MRGPRE: variants seen among roughly 807,000 people sequenced by gnomAD.
MRGPRE encodes the protein mas-related G protein-coupled receptor member E.
For missense variants in MRGPRE, 466 were observed against 433.4 expected, an observed-to-expected ratio of 1.08 and a Z score of -0.67; for synonymous variants, 229 against 206.7, an observed-to-expected ratio of 1.11 and a Z score of -0.92.
Position 3,230,626 on chromosome 11 carries a change from A to C in MRGPRE, c.-62+1515T>G, listed in dbSNP as rs1275113068. On this transcript the variant is annotated intron_variant, in intron 1 of 1. Coordinates refer to ENST00000389832, the MANE Select transcript of MRGPRE (RefSeq NM_001039165.4). The surrounding 1 kb of genome is among the most constrained non-coding windows in gnomAD (Gnocchi z 5.5). ...GACAGCCTGAGGTTGTCCCCGCCTCAGGGGTGGGCATGGGGGTGGGGGGCT... is the reference window on the plus strand; with the variant it reads ...GACAGCCTGAGGTTGTCCCCGCCTCCGGGGTGGGCATGGGGGTGGGGGGCT... 6.9e-6 allele frequency among the ~76,000 whole-genome samples: 1 copy of C among 144,448 alleles called. No homozygotes were observed. The highest frequency in any genetic ancestry group is 2.5e-5 in the African/African-American group (1 of 40,144). 94.8% of individuals were successfully genotyped at this position (144,448 alleles called of 152,430 possible).
intron 1 of MRGPRE, 81 bp from the exon 2 acceptor site, chr11:3,228,941 G>A: frequency 1.5e-6 from 1 of 683,408 alleles, no homozygotes; most frequent in Non-Finnish European, 2.5e-6. Context: ...ATGAGAGTTG[G>A]GTGGGTGACC....
rs1452779020 is a variant in MRGPRE at position 3,227,095 on chromosome 11, C to T, written c.*766G>A. 3.9e-5 allele frequency among the ~76,000 whole-genome samples: 6 copies of T among 152,174 alleles called. No homozygotes were observed. The highest frequency in any genetic ancestry group is 6.5e-5 in the Admixed American group (1 of 15,302). On this transcript the variant is annotated 3_prime_UTR_variant, in exon 2 of 2. Transcript: ENST00000389832. ...GCGGGTGAACTGCCTTGGATGGGGC[C>T]GGTGTGAAGCTTTCTGGTTGCTGAA... is the stretch of plus-strand genomic sequence containing the variant.
intron 1 of MRGPRE, 118 bp from the exon 2 acceptor site, chr11:3,228,978 A>G (rs10741876): frequency 0.81 from 465,033 of 577,090 alleles, 188,573 homozygotes; most frequent in East Asian, 0.98. Context: ...CCTCCAGGAG[A>G]AGACCCCTCT....
chr11:3,227,978 A>G lies in MRGPRE; in HGVS notation c.822T>C (p.Ser274=), dbSNP rs1009758546. 3.8e-6 allele frequency: 6 copies of G among 1,592,158 alleles called. No homozygotes were observed. Among genetic ancestry groups the G allele is most frequent in the African/African-American group, 2.7e-5 (2 of 74,528 alleles). The stretch of plus-strand genomic sequence containing the variant: ...GGAGGGGCAGCCTGCGGCCCTGGGC[A>G]CTGCCCAGGCAGAAGTAGACGACGG... ...AKPVVYFCLG[S]AQGRRLPLRL... Residue 274 remains serine, a synonymous_variant, in exon 2 of 2, where the codon AGT becomes AGC. Transcript: ENST00000389832.
At position 3,228,695 on chromosome 11, in the gene MRGPRE, G is replaced by A. The variant is rs766215663; in HGVS notation, c.105C>T (p.Gly35=). 2.5e-5 allele frequency: 41 copies of A among 1,614,012 alleles called. 1 individual carries two copies. In the South Asian group the frequency reaches 3.7e-4, roughly 15 times the overall value. Residue 35 remains glycine (G), a synonymous_variant, in exon 2 of 2, where the codon GGC becomes GGT. Transcript: ENST00000389832. Reference sequence around the variant, plus strand: ...CCCCATTCCCCAGCAGCCCACCGAGGCCGAGCCCCTCGGTGAGGGACAGGA... The same window carrying A: ...CCCCATTCCCCAGCAGCCCACCGAGACCGAGCCCCTCGGTGAGGGACAGGA... ...LIILSLTEGL[G]LGGLLGNGAV...
At chr11:3,228,905 C>A in intron 1 of MRGPRE, 45 bp from the exon 2 acceptor site, 5 of 867,914 alleles carry the variant, frequency 5.8e-6, no homozygotes, top group Non-Finnish European at 8.8e-6. Context: ...AATCCATGCC[C>A]CCTGCTCCTC....
In MRGPRE at chr11:3,230,358, T is replaced by G. The variant is rs1362163999; in HGVS notation, c.-61-1498A>C. On this transcript the variant is annotated intron_variant, in intron 1 of 1. Coordinates refer to ENST00000389832, the MANE Select transcript of MRGPRE (RefSeq NM_001039165.4). This position sits in a 1 kb window ranked among gnomAD's most constrained non-coding sequence, Gnocchi z 5.5. ...GTGGGGGTACAAGCAGAAACCCCCA[T>G]AGCTGGTCTTAGCGGCTTCTTCCCA... Among the ~76,000 whole-genome samples the G allele has an allele frequency of 6.6e-6, 1 of 151,982 alleles. No homozygotes were observed. Among genetic ancestry groups the G allele is most frequent in the Admixed American group, 6.5e-5 (1 of 15,274 alleles).
rs1847811707 is a variant in MRGPRE at position 3,229,938 on chromosome 11, C to T, written c.-61-1078G>A. The stretch of plus-strand genomic sequence containing the variant: ...AGCCTCCCTCCATCCCCTCCCAAGG[C>T]AGTCGGCTCACGGGGACAGGTCCTG... On this transcript the variant is annotated intron_variant, in intron 1 of 1. Transcript: ENST00000389832. The surrounding 1 kb of genome is among the most constrained non-coding windows in gnomAD (Gnocchi z 4.4). Among the ~76,000 whole-genome samples the T allele has an allele frequency of 6.6e-6, 1 of 152,188 alleles. No individual in the cohort carries two copies. The highest frequency in any genetic ancestry group is 6.5e-5 in the Admixed American group (1 of 15,282).
At chr11:3,228,893 G>A in intron 1 of MRGPRE, 33 bp from the exon 2 acceptor site, 1 of 1,023,062 alleles carries the variant, frequency 9.8e-7, no homozygotes, top group Non-Finnish European at 1.4e-6. Context: ...CTGGGGCTCA[G>A]GAATCCATGC....
At position 3,231,119 on chromosome 11, in the gene MRGPRE, G is replaced by A. The variant is rs1036570896; in HGVS notation, c.-62+1022C>T. 1.3e-5 allele frequency among the ~76,000 whole-genome samples: 2 copies of A among 152,136 alleles called. No homozygotes were observed. Among genetic ancestry groups the A allele is most frequent in the Admixed American group, 6.5e-5 (1 of 15,284 alleles). On this transcript the variant is annotated intron_variant, in intron 1 of 1. Transcript: ENST00000389832. This position sits in a 1 kb window ranked among gnomAD's most constrained non-coding sequence, Gnocchi z 4.7. ...TCTACCAGCAAGCTCCAGCCCCAAA[G>A]CAACAGGTGGGGTTTCTCCAGCCTG...
rs760513724 is a variant in MRGPRE at position 3,228,607 on chromosome 11, C to G, written c.193G>C (p.Val65Leu). Residue 65 changes from valine to leucine, a missense_variant, in exon 2 of 2, where the codon GTG becomes CTG. Transcript: ENST00000389832. ...RNPFAIYLLD[V>L]ACADLIFLGC... The stretch of plus-strand genomic sequence containing the variant: ...AGGAAGATGAGATCCGCGCAGGCCA[C>G]GTCCAGGAGGTAGATGGCGAAGGGG... 3.1e-6 allele frequency: 5 copies of G among 1,613,928 alleles called. No individual in the cohort carries two copies. In the African/African-American group the frequency reaches 6.7e-5, roughly 22 times the overall value.
In MRGPRE at chr11:3,227,299, G is replaced by C. The variant is rs566439284; in HGVS notation, c.*562C>G. Among the ~76,000 whole-genome samples the C allele has an allele frequency of 6.6e-6, 1 of 152,280 alleles. No homozygotes were observed. Among genetic ancestry groups the C allele is most frequent in the South Asian group, 2.1e-4 (1 of 4,826 alleles). On this transcript the variant is annotated 3_prime_UTR_variant, in exon 2 of 2. Transcript: ENST00000389832. ...TGAGGTGCACGGCCTTGAGCAACTG[G>C]CTGATGATCAAGGACGGGGAGGGGG...
In MRGPRE at chr11:3,225,752, G is replaced by A. The variant is rs1245766962; in HGVS notation, c.*2109C>T. 6.6e-6 allele frequency among the ~76,000 whole-genome samples: 1 copy of A among 152,198 alleles called. No individual in the cohort carries two copies. The highest frequency in any genetic ancestry group is 6.5e-5 in the Admixed American group (1 of 15,282). Reference sequence around the variant, plus strand: ...GCTGCCACAGCAGCTACTAGAGTGGGGACGAGCTGGGCCCAGTTTCCATGG... The same window carrying A: ...GCTGCCACAGCAGCTACTAGAGTGGAGACGAGCTGGGCCCAGTTTCCATGG... On this transcript the variant is annotated 3_prime_UTR_variant, in exon 2 of 2. Coordinates refer to ENST00000389832, the MANE Select transcript of MRGPRE (RefSeq NM_001039165.4).
chr11:3,226,911 G>A lies in MRGPRE; in HGVS notation c.*950C>T, dbSNP rs1030841487. 6.6e-6 allele frequency among the ~76,000 whole-genome samples: 1 copy of A among 152,088 alleles called. No homozygotes were observed. Among genetic ancestry groups the A allele is most frequent in the Non-Finnish European group, 1.5e-5 (1 of 68,030 alleles). ...GGGTGGCTAGCGGGGCTCAGCCCAG[G>A]CTGTGGGCTCCAAAGCCCCCACTCT... On this transcript the variant is annotated 3_prime_UTR_variant, in exon 2 of 2. Coordinates refer to ENST00000389832, the MANE Select transcript of MRGPRE (RefSeq NM_001039165.4).
In MRGPRE at chr11:3,227,147, C is replaced by G. The variant is rs775195377; in HGVS notation, c.*714G>C. Among the ~76,000 whole-genome samples, 1 of 152,134 alleles carries G rather than the reference C, an allele frequency of 6.6e-6. No homozygotes were observed. The highest frequency in any genetic ancestry group is 1.5e-5 in the Non-Finnish European group (1 of 68,002). On this transcript the variant is annotated 3_prime_UTR_variant, in exon 2 of 2. Coordinates refer to ENST00000389832, the MANE Select transcript of MRGPRE (RefSeq NM_001039165.4). ...ACCTGGGTCCTGTGGGGAGACAGGG[C>G]TGCAGGCTGCTGGGTGGGGCTGTAA... is the stretch of plus-strand genomic sequence containing the variant.
chr11:3,231,374 C>A lies in MRGPRE; in HGVS notation c.-62+767G>T, dbSNP rs1369076770. Reference sequence around the variant, plus strand: ...TTAGAGCCACGGAGCTCAGCCAGACCCTGCTGCTGCCCCCTCTCTGCTGTG... The same window carrying A: ...TTAGAGCCACGGAGCTCAGCCAGACACTGCTGCTGCCCCCTCTCTGCTGTG... On this transcript the variant is annotated intron_variant, in intron 1 of 1. Transcript: ENST00000389832. The surrounding 1 kb of genome is among the most constrained non-coding windows in gnomAD (Gnocchi z 4.7). Among the ~76,000 whole-genome samples, 17 of 151,844 alleles carry A rather than the reference C, an allele frequency of 1.1e-4. No homozygotes were observed. Among genetic ancestry groups the A allele is most frequent in the Non-Finnish European group, 4.4e-5 (3 of 67,948 alleles).
In MRGPRE at chr11:3,228,344, C is replaced by A; in HGVS notation, c.456G>T (p.Leu152=). Residue 152 remains leucine (L), a synonymous_variant, in exon 2 of 2, where the codon CTG becomes CTT. Transcript: ENST00000389832. The part of the protein sequence containing the change: ...CVCALTWALC[L]LLHLLLSGAC... Reference sequence around the variant, plus strand: ...CGCCGCTGAGCAGCAGGTGCAGCAGCAGGCAGAGGGCCCAGGTGAGGGCGC... The same window carrying A: ...CGCCGCTGAGCAGCAGGTGCAGCAGAAGGCAGAGGGCCCAGGTGAGGGCGC... 1.9e-6 allele frequency: 3 copies of A among 1,569,968 alleles called. No homozygotes were observed. The highest frequency in any genetic ancestry group is 1.2e-5 in the South Asian group (1 of 86,766).
rs911685877 is a variant in MRGPRE, at chr11:3,231,245, G to A, written c.-62+896C>T. 4.6e-5 allele frequency among the ~76,000 whole-genome samples: 7 copies of A among 152,110 alleles called. No individual in the cohort carries two copies. The highest frequency in any genetic ancestry group is 7.4e-5 in the Non-Finnish European group (5 of 68,014). On this transcript the variant is annotated intron_variant, in intron 1 of 1. Coordinates refer to ENST00000389832, the MANE Select transcript of MRGPRE (RefSeq NM_001039165.4). The surrounding 1 kb of genome is among the most constrained non-coding windows in gnomAD (Gnocchi z 4.7). ...GGCCCCAGGGAGAGAGCATGGCAGG[G>A]AAGCGATGGACATAGAGGGAGAGGG...
In MRGPRE at chr11:3,230,974, C is replaced by T. The variant is rs932874202; in HGVS notation, c.-62+1167G>A. ...CCTACTCAGGATAGCTTGGGGGGGT[C>T]ACCAACCCTCAGGCCCAGAGGGAGG... On this transcript the variant is annotated intron_variant, in intron 1 of 1. Coordinates refer to ENST00000389832, the MANE Select transcript of MRGPRE (RefSeq NM_001039165.4). The surrounding 1 kb of genome is among the most constrained non-coding windows in gnomAD (Gnocchi z 5.5). Among the ~76,000 whole-genome samples, 2 of 152,024 alleles carry T rather than the reference C, an allele frequency of 1.3e-5. No individual in the cohort carries two copies. The highest frequency in any genetic ancestry group is 4.8e-5 in the African/African-American group (2 of 41,376).
Sources: allele counts gnomAD v4.1 joint callset (sites outside exome capture counted in the v4.1 genomes callset), GRCh38; gene constraint gnomAD v4.1.1; non-coding constraint Gnocchi (gnomAD v3.1); transcripts MANE v1.5; gene names NCBI Gene and HGNC (gene_info 2026-07-23, HGNC 2026-07-21).